MSI2: variants seen among roughly 807,000 people sequenced by gnomAD.
MSI2 encodes the protein RNA-binding protein Musashi homolog 2.
MSI2 carries 17 observed loss-of-function variants against 45.6 expected under a neutral mutation model. That is an observed-to-expected ratio of 0.37 (90% confidence interval 0.26 to 0.56). The LOEUF (loss-of-function observed/expected upper bound fraction) is 0.56. Among genes scored for constraint, MSI2 ranks in the 20% least tolerant of loss-of-function variants. The probability of loss-of-function intolerance (pLI) is 0.77; values close to 1 mark genes in which losing one functional copy is unlikely to be tolerated. For synonymous variants in MSI2, 156 were observed against 158.2 expected, an observed-to-expected ratio of 0.99 and a Z score of 0.11; for missense variants, 293 against 444.2, an observed-to-expected ratio of 0.66 and a Z score of 3.06.
At chr17:57,645,109 A>C (rs1910552990) in intron 10 of MSI2, among the ~76,000 whole-genome samples, 1 of 152,192 alleles carries the variant, frequency 6.6e-6, no homozygotes, top group African/African-American at 2.4e-5. Context: ...CTCTAAATCA[A>C]GGGTTCTCTG....
chr17:57,676,277 C>T (rs1446263504), intron 12 of MSI2, among the ~76,000 whole-genome samples: 1 of 152,182 alleles, frequency 6.6e-6, no homozygotes, highest in Non-Finnish European at 1.5e-5. Flanking sequence ...CACACGCACG[C>T]ACACACGCAC....
chr17:57,325,486 G>A (rs941002424), intron 5 of MSI2, among the ~76,000 whole-genome samples: 2 of 152,190 alleles, frequency 1.3e-5, no homozygotes, highest in African/African-American at 2.4e-5. Flanking sequence ...AAAGAAAGTG[G>A]AGTCTAAAAA....
In MSI2 at chr17:57,681,285, A is replaced by G. The variant is rs703862; in HGVS notation, c.*1768A>G. 0.19 allele frequency: 34,001 copies of G among 182,008 alleles called. 3,823 individuals carry two copies. The highest frequency in any genetic ancestry group is 0.3 in the South Asian group (1,520 of 5,074). The allele number at this position is 182,008 out of a possible 1,614,324, so 11.3% of individuals were successfully genotyped here. The stretch of plus-strand genomic sequence containing the variant: ...TGGTAATAGGTCGGCAACAGCAACT[A>G]TAGAAGTACAACTCAATAGATGGCA... On this transcript the variant is annotated 3_prime_UTR_variant, in exon 14 of 14. Coordinates refer to ENST00000284073, the MANE Select transcript of MSI2 (RefSeq NM_138962.4).
At chr17:57,455,893 C>T (rs1476795578) in intron 6 of MSI2, among the ~76,000 whole-genome samples, 3 of 152,140 alleles carry the variant, frequency 2.0e-5, no homozygotes, top group East Asian at 3.9e-4. Flanking sequence ...AGCTGGTGCC[C>T]GCGTGTGGGT....
intron 6 of MSI2, among the ~76,000 whole-genome samples, chr17:57,426,747 C>T (rs529985431): frequency 6.6e-6 from 1 of 152,304 alleles, no homozygotes; most frequent in Non-Finnish European, 1.5e-5. Context: ...TTTTTCCTCT[C>T]CTGTTGTTAC....
intron 7 of MSI2, among the ~76,000 whole-genome samples, chr17:57,592,172 CAA>C (rs746051998): frequency 4.8e-4 from 39 of 81,680 alleles, no homozygotes; most frequent in Admixed American, 5.0e-4. Flanking sequence ...ACTCTGTCTC[CAA>C]AAAAAAAAAA....
At chr17:57,366,826 G>A (rs1306766672) in intron 5 of MSI2, among the ~76,000 whole-genome samples, 1 of 152,144 alleles carries the variant, frequency 6.6e-6, no homozygotes, top group Non-Finnish European at 1.5e-5. Context: ...TTACGGAGGC[G>A]AGGATCCTGT....
At chr17:57,480,733 GGC>G (rs2085632947) in intron 6 of MSI2, among the ~76,000 whole-genome samples, 1 of 152,092 alleles carries the variant, frequency 6.6e-6, no homozygotes, top group African/African-American at 2.4e-5. Flanking sequence ...CTACCTTTTG[GGC>G]CAAGCTGTCC....
chr17:57,266,008 G>A (rs7223919), intron 5 of MSI2: 54,087 of 152,086 alleles, frequency 0.36, 10,597 homozygotes, highest in African/African-American at 0.52. Flanking sequence ...CGAGGTCTGG[G>A]TGTACTCACC....
At chr17:57,593,140 T>A (rs948692785) in intron 7 of MSI2, among the ~76,000 whole-genome samples, 1 of 152,150 alleles carries the variant, frequency 6.6e-6, no homozygotes, top group African/African-American at 2.4e-5. Context: ...TTTTTCTCAT[T>A]CATCCACTCT....
intron 5 of MSI2, among the ~76,000 whole-genome samples, chr17:57,330,381 C>G (rs999005152): frequency 5.3e-5 from 8 of 151,222 alleles, no homozygotes; most frequent in African/African-American, 1.9e-4. Flanking sequence ...GCCTCCTGGG[C>G]TCCAGCGATT....
At chr17:57,551,671 T>A (rs181671820) in intron 7 of MSI2, among the ~76,000 whole-genome samples, 1 of 151,904 alleles carries the variant, frequency 6.6e-6, no homozygotes, top group Non-Finnish European at 1.5e-5. Flanking sequence ...ACTGCTGAAG[T>A]CTTAGCTTTC....
At chr17:57,262,375 A>G (rs1452908580) in intron 5 of MSI2, 183 bp downstream of exon 5, 1 of 542,796 alleles carries the variant, frequency 1.8e-6, no homozygotes, top group Non-Finnish European at 3.2e-6. Flanking sequence ...AGCCATCCCA[A>G]GGTGGCTTCT....
chr17:57,398,050 G>C (rs756580780), intron 5 of MSI2, among the ~76,000 whole-genome samples: 5 of 151,936 alleles, frequency 3.3e-5, no homozygotes, highest in Non-Finnish European at 5.9e-5. Context: ...ATTTATAGCT[G>C]AATGGCTGCC....
chr17:57,685,192 T>C (rs1334739802), downstream of MSI2, among the ~76,000 whole-genome samples: 1 of 152,134 alleles, frequency 6.6e-6, no homozygotes, highest in Non-Finnish European at 1.5e-5. Flanking sequence ...ACTAAAGATG[T>C]AGAGATAGAT....
chr17:57,358,168 GA>G lies in MSI2; in HGVS notation c.313-43208del, dbSNP rs1250759023. On this transcript the variant is annotated intron_variant, in intron 5 of 13. Coordinates refer to ENST00000284073, the MANE Select transcript of MSI2 (RefSeq NM_138962.4). Reference sequence around the variant, plus strand: ...AAAGTTGAGGGCAGAGGGAAGAAGAGAAAGATCTTCGTGGGTTTTTCTGTGT... The same window carrying G: ...AAAGTTGAGGGCAGAGGGAAGAAGAGAAGATCTTCGTGGGTTTTTCTGTGT... Among the ~76,000 whole-genome samples the G allele has an allele frequency of 6.0e-5, 9 of 150,276 alleles. No homozygotes were observed. The East Asian group carries it at 1.4e-3, about 23-fold the overall frequency.
chr17:57,588,183 C>T (rs529153230), intron 7 of MSI2, among the ~76,000 whole-genome samples: 3 of 152,278 alleles, frequency 2.0e-5, no homozygotes, highest in Non-Finnish European at 2.9e-5. Flanking sequence ...TCGCATCCAT[C>T]GCGGGCTTGT....
the MSI2 span, among the ~76,000 whole-genome samples, chr17:57,690,443 T>G: frequency 1.7e-5 from 1 of 57,460 alleles, no homozygotes; most frequent in African/African-American, 5.8e-5. Context: ...AGACCCTATC[T>G]CTACAAAAAA....
At chr17:57,389,809 G>A (rs1176832091) in intron 5 of MSI2, among the ~76,000 whole-genome samples, 1 of 152,164 alleles carries the variant, frequency 6.6e-6, no homozygotes, top group Non-Finnish European at 1.5e-5. Flanking sequence ...TATAGGTATT[G>A]CCCCCACTTT....
Sources: allele counts gnomAD v4.1 joint callset (sites outside exome capture counted in the v4.1 genomes callset), GRCh38; gene constraint gnomAD v4.1.1; transcripts MANE v1.5; gene names NCBI Gene and HGNC (gene_info 2026-07-23, HGNC 2026-07-21).